HDGFL3: variants seen among roughly 807,000 people sequenced by gnomAD.
HDGFL3 encodes the protein hepatoma-derived growth factor-related protein 3.
A neutral mutation model predicts 27.6 loss-of-function variants in HDGFL3; 6 were observed. The ratio of observed to expected loss-of-function variants is 0.22; its 90% confidence interval spans 0.12 to 0.43. The LOEUF (loss-of-function observed/expected upper bound fraction) is 0.43, where lower values mean the gene tolerates loss of function less well. Among genes scored for constraint, HDGFL3 ranks in the 20% least tolerant of loss-of-function variants. The pLI, the probability that HDGFL3 is intolerant of heterozygous loss-of-function variation, is 1.00. For missense variants in HDGFL3, 207 were observed against 250.1 expected (o/e 0.83, Z 1.16); for synonymous variants, 88 against 88.9 (o/e 0.99, Z 0.05).
intron 5 of HDGFL3, among the ~76,000 whole-genome samples, chr15:83,145,254 C>T (rs1207092210): frequency 6.6e-6 from 1 of 152,108 alleles, no homozygotes; most frequent in Non-Finnish European, 1.5e-5. Context: ...GTCAGCTTTG[C>T]ACAGGTCCTT....
rs757419110 is a variant in HDGFL3 at position 83,158,013 on chromosome 15, G to T, written c.190C>A (p.Pro64Thr). The T allele has an allele frequency of 1.9e-6, 3 of 1,610,276 alleles. No homozygotes were observed. The highest frequency in any genetic ancestry group is 1.7e-5 in the Admixed American group (1 of 59,256). Residue 64 changes from proline to threonine, a missense_variant, in exon 3 of 6, where the codon CCA (proline) becomes ACA (threonine). Pro to Thr is a conservative substitution (Grantham distance 38, BLOSUM62 -1). Coordinates refer to ENST00000299633, the MANE Select transcript of HDGFL3 (RefSeq NM_016073.4). ...TAFLGPKDLF[P>T]YKEYKDKFGK... ...AACTTGTCTTTGTACTCCTTATATG[G>T]AAAAAGGTCTTTGGGACCTAGAAAT...
intron 1 of HDGFL3, among the ~76,000 whole-genome samples, chr15:83,166,852 G>T (rs1474910507): frequency 6.6e-6 from 1 of 152,172 alleles, no homozygotes; most frequent in Non-Finnish European, 1.5e-5. Context: ...ACTATCACAA[G>T]AACAGCAAAG....
chr15:83,116,179 G>A (rs754278635), intron 3 of HDGFL3, among the ~76,000 whole-genome samples: 8 of 152,162 alleles, frequency 5.3e-5, no homozygotes, highest in Non-Finnish European at 7.4e-5. Context: ...ACTCATGACC[G>A]CACACATGAC....
At chr15:83,142,788 A>G (rs929630296) in intron 5 of HDGFL3, among the ~76,000 whole-genome samples, 3 of 152,216 alleles carry the variant, frequency 2.0e-5, no homozygotes, top group African/African-American at 7.2e-5. Context: ...GCAGAAATAG[A>G]TATGAGGATC....
Position 83,158,044 on chromosome 15 carries a change from G to A in HDGFL3, c.162-3C>T. 1 of 1,593,926 alleles carries A rather than the reference G, an allele frequency of 6.3e-7. No individual in the cohort carries two copies. Reference sequence around the variant, plus strand: ...GGTCTTTGGGACCTAGAAATGCACTGCAGAGACATATTAGAAATAGAATTG... The same window carrying A: ...GGTCTTTGGGACCTAGAAATGCACTACAGAGACATATTAGAAATAGAATTG... On this transcript the variant is annotated splice_polypyrimidine_tract_variant and splice_region_variant and intron_variant, in intron 2 of 5. Coordinates refer to ENST00000299633, the MANE Select transcript of HDGFL3 (RefSeq NM_016073.4).
chr15:83,157,322 T>A (rs1199471920), intron 4 of HDGFL3, 93 bp downstream of exon 4: 1 of 1,264,116 alleles, frequency 7.9e-7, no homozygotes, highest in Admixed American at 1.8e-5. Context: ...TTTAGTATAT[T>A]TCTATGTACC....
rs12437687 is a variant in HDGFL3, at chr15:83,201,172, G to A, written c.84+6159C>T. ...ATAGTCAGTACTTCTACTCTACCTA[G>A]AGTGAATGACTAGTTTTTTTTTTTA... On this transcript the variant is annotated intron_variant, in intron 1 of 5. Coordinates refer to ENST00000299633, the MANE Select transcript of HDGFL3 (RefSeq NM_016073.4). Among the ~76,000 whole-genome samples, 9 of 147,536 alleles carry A rather than the reference G, an allele frequency of 6.1e-5. No homozygotes were observed. The South Asian group carries it at 1.7e-3, about 28-fold the overall frequency.
Position 83,130,155 on chromosome 15 carries a change from T to G in HDGFL3, c.*9115A>C, listed in dbSNP as rs906070286. 10 of 152,174 alleles carry G rather than the reference T, an allele frequency of 6.6e-5. No individual in the cohort carries two copies. The highest frequency in any genetic ancestry group is 2.4e-4 in the African/African-American group (10 of 41,416). The allele number at this position is 152,174 out of a possible 1,614,324, so 9.4% of individuals were successfully genotyped here. A position where few individuals can be genotyped will look rare whatever the true frequency, so the allele number is the denominator to read the frequency against. On this transcript the variant is annotated 3_prime_UTR_variant, in exon 6 of 6. Coordinates refer to ENST00000299633, the MANE Select transcript of HDGFL3 (RefSeq NM_016073.4). ...ACCAGATGTTGGACCTGGTCAAGTCTCAGGAGACAAATGGAAACAGCAGGA... is the reference window on the plus strand; with the variant it reads ...ACCAGATGTTGGACCTGGTCAAGTCGCAGGAGACAAATGGAAACAGCAGGA...
chr15:83,163,157 CACTGA>C (rs752670094), intron 2 of HDGFL3, among the ~76,000 whole-genome samples: 65 of 152,304 alleles, frequency 4.3e-4, no homozygotes, highest in Non-Finnish European at 7.3e-4. Context: ...ACTGTGACAA[CACTGA>C]ACAAAAAGAA....
chr15:83,201,748 G>A (rs550475731), intron 1 of HDGFL3, among the ~76,000 whole-genome samples: 1 of 152,240 alleles, frequency 6.6e-6, no homozygotes, highest in African/African-American at 2.4e-5. Flanking sequence ...GATGTGCCAG[G>A]AATAGAGACT....
rs142199591 is a variant in HDGFL3, at chr15:83,140,732, G to A, written c.607-1457C>T. Among the ~76,000 whole-genome samples the A allele has an allele frequency of 2.7e-3, 411 of 152,042 alleles. 4 individuals are homozygous for A. The highest frequency in any genetic ancestry group is 9.3e-3 in the African/African-American group (387 of 41,470). ...CCTGACCTTGTGATCTGCCTGGCTC[G>A]GCGGCCTCCCAAAGTGCTGGGATTA... On this transcript the variant is annotated intron_variant, in intron 5 of 5. Coordinates refer to ENST00000299633, the MANE Select transcript of HDGFL3 (RefSeq NM_016073.4).
intron 1 of HDGFL3, among the ~76,000 whole-genome samples, chr15:83,191,121 T>C (rs2037506200): frequency 6.6e-6 from 1 of 152,224 alleles, no homozygotes; most frequent in Admixed American, 6.5e-5. Context: ...TGCTGGTTAA[T>C]ACATCTCTCC....
chr15:83,146,148 G>T (rs1334268643), intron 5 of HDGFL3, among the ~76,000 whole-genome samples: 1 of 151,928 alleles, frequency 6.6e-6, no homozygotes, highest in Non-Finnish European at 1.5e-5. Flanking sequence ...GACCTCAGGT[G>T]ATCGGCCCAC....
Position 83,136,750 on chromosome 15 carries a change from C to A in HDGFL3, c.*2520G>T. The A allele has an allele frequency of 8.1e-7, 1 of 1,233,438 alleles. No individual in the cohort carries two copies. Among genetic ancestry groups the A allele is most frequent in the Non-Finnish European group, 1.1e-6 (1 of 875,372 alleles). 76.4% of individuals were successfully genotyped at this position (1,233,438 alleles called of 1,614,324 possible). A position where few individuals can be genotyped will look rare whatever the true frequency, so the allele number is the denominator to read the frequency against. The stretch of plus-strand genomic sequence containing the variant: ...TACTGATATTTTGTCCCATTTCACT[C>A]TCTTCTCATACGTGAGTACTTAAGA... On this transcript the variant is annotated 3_prime_UTR_variant, in exon 6 of 6. Transcript: ENST00000299633.
At chr15:83,125,276 G>A (rs572104940), downstream of HDGFL3, among the ~76,000 whole-genome samples, 3 of 152,298 alleles carry the variant, frequency 2.0e-5, no homozygotes, top group African/African-American at 7.2e-5. Context: ...CACGCCTGGA[G>A]TCTTTGTATT....
At chr15:83,123,653 T>C (rs2035469225), downstream of HDGFL3, among the ~76,000 whole-genome samples, 2 of 152,196 alleles carry the variant, frequency 1.3e-5, no homozygotes, top group African/African-American at 4.8e-5. Context: ...ACACCTTCTA[T>C]GTAAACTCAG....
chr15:83,151,381 A>G lies in HDGFL3; in HGVS notation c.460-20T>C. The G allele has an allele frequency of 1.9e-6, 3 of 1,588,768 alleles. No homozygotes were observed. Among genetic ancestry groups the G allele is most frequent in the South Asian group, 1.2e-5 (1 of 86,544 alleles). On this transcript the variant is annotated intron_variant, in intron 4 of 5. Coordinates refer to ENST00000299633, the MANE Select transcript of HDGFL3 (RefSeq NM_016073.4). The stretch of plus-strand genomic sequence containing the variant: ...GGATTTCTAAATGTTTAGACAAGTT[A>G]AATATTATAGTCAAAAGCAGAAATC...
At chr15:83,141,538 T>G (rs931602561) in intron 5 of HDGFL3, among the ~76,000 whole-genome samples, 1 of 152,224 alleles carries the variant, frequency 6.6e-6, no homozygotes, top group Non-Finnish European at 1.5e-5. Context: ...GAGTGTTCAG[T>G]GAAAACTAGA....
downstream of HDGFL3, chr15:83,126,806 G>A (rs757474185): frequency 4.3e-6 from 7 of 1,614,028 alleles, no homozygotes; most frequent in Non-Finnish European, 5.9e-6. Flanking sequence ...GCAATTTCAA[G>A]AGCCCTATCT....
Sources: gnomAD v4.1 joint callset for allele counts (sites outside exome capture counted in the v4.1 genomes callset) on GRCh38, gnomAD v4.1.1 for gene constraint, MANE v1.5 for transcripts, NCBI Gene and HGNC (gene_info 2026-07-23, HGNC 2026-07-21) for gene names.